NRIP1: variants seen among roughly 807,000 people sequenced by gnomAD.
The protein encoded by NRIP1 is nuclear receptor interacting protein 1.
A neutral mutation model predicts 75.0 loss-of-function variants in NRIP1; 28 were observed. The ratio of observed to expected loss-of-function variants is 0.37; its 90% CI spans 0.28 to 0.51. The LOEUF (loss-of-function observed/expected upper bound fraction) is 0.51, where lower values mean the gene tolerates loss of function less well. NRIP1 is among the 20% of genes least tolerant of loss of function. The probability of loss-of-function intolerance (pLI) is 0.92; values close to 1 mark genes in which losing one functional copy is unlikely to be tolerated. For missense variants in NRIP1, 1,435 were observed against 1,343.7 expected (o/e 1.07, Z -1.06); for synonymous variants, 526 against 487.6 (o/e 1.08, Z -1.04).
chr21:15,035,235 A>G (rs1261046117), intron 2 of NRIP1, among the ~76,000 whole-genome samples: 1 of 152,186 alleles, frequency 6.6e-6, no homozygotes, highest in Non-Finnish European at 1.5e-5. Context: ...TTTTTAAAAA[A>G]ATAACAATTA....
chr21:15,047,193 T>C (rs1230260089), intron 1 of NRIP1, among the ~76,000 whole-genome samples: 1 of 152,078 alleles, frequency 6.6e-6, no homozygotes, highest in African/African-American at 2.4e-5. Flanking sequence ...AGGCACCTTC[T>C]TCACAAGGCA....
At chr21:14,972,743 C>T (rs1339166581) in intron 3 of NRIP1, among the ~76,000 whole-genome samples, 3 of 152,168 alleles carry the variant, frequency 2.0e-5, no homozygotes, top group Non-Finnish European at 2.9e-5. Flanking sequence ...GAGATGGTTT[C>T]AAGATGAAAC....
At chr21:14,986,559 T>A (rs1356349540) in intron 3 of NRIP1, among the ~76,000 whole-genome samples, 1 of 152,184 alleles carries the variant, frequency 6.6e-6, no homozygotes, top group East Asian at 1.9e-4. Flanking sequence ...GGCTAAAAAG[T>A]CATGTGGGTC....
intron 3 of NRIP1, among the ~76,000 whole-genome samples, chr21:15,012,344 A>G (rs2088122658): frequency 6.6e-6 from 1 of 152,162 alleles, no homozygotes; most frequent in South Asian, 2.1e-4. Context: ...TTTAAAATCT[A>G]AAAACGTTTA....
At chr21:15,048,602 C>CT (rs2089138110) in intron 1 of NRIP1, among the ~76,000 whole-genome samples, 1 of 152,122 alleles carries the variant, frequency 6.6e-6, no homozygotes, top group Non-Finnish European at 1.5e-5. Flanking sequence ...TAGGACATTA[C>CT]TTTTTTAGGA....
chr21:14,965,753 A>T lies in NRIP1; in HGVS notation c.2440T>A (p.Ser814Thr). Residue 814 changes from serine to threonine, a missense_variant, in exon 4 of 4, where the codon TCC becomes ACC. Ser to Thr is a moderately conservative substitution (Grantham distance 58). Coordinates refer to ENST00000318948, the MANE Select transcript of NRIP1 (RefSeq NM_003489.4). ...EPVSPQDFSF[S>T]KNGLLSRLLR... Reference sequence around the variant, plus strand: ...AATCGACTTAGCAGACCATTCTTGGAGAAAGAAAAATCCTGAGGTGAAACA... The same window carrying T: ...AATCGACTTAGCAGACCATTCTTGGTGAAAGAAAAATCCTGAGGTGAAACA... 6.2e-7 allele frequency: 1 copy of T among 1,613,988 alleles called. No homozygotes were observed. The highest frequency in any genetic ancestry group is 1.1e-5 in the South Asian group (1 of 91,082).
intron 1 of NRIP1, among the ~76,000 whole-genome samples, chr21:15,060,039 C>T (rs2147420964): frequency 6.6e-6 from 1 of 152,168 alleles, no homozygotes; most frequent in African/African-American, 2.4e-5. Context: ...AATACCACAA[C>T]TTTTGTAATT....
At chr21:15,006,707 C>G (rs977017394) in intron 3 of NRIP1, among the ~76,000 whole-genome samples, 1 of 152,138 alleles carries the variant, frequency 6.6e-6, no homozygotes, top group African/African-American at 2.4e-5. Flanking sequence ...CACACTTTCA[C>G]TCACTTGGAT....
chr21:15,022,072 T>C (rs1600882540), intron 2 of NRIP1, among the ~76,000 whole-genome samples: 1 of 152,148 alleles, frequency 6.6e-6, no homozygotes, highest in East Asian at 1.9e-4. Context: ...AATCACTCTA[T>C]CATAAAGACA....
chr21:14,991,279 A>G (rs958285487), intron 3 of NRIP1: 3 of 149,716 alleles, frequency 2.0e-5, no homozygotes, highest in Non-Finnish European at 4.4e-5. Context: ...GAATCTGTCC[A>G]TGCAAACCAA....
At chr21:15,059,159 G>A (rs1568739372) in intron 1 of NRIP1, among the ~76,000 whole-genome samples, 1 of 152,134 alleles carries the variant, frequency 6.6e-6, no homozygotes, top group African/African-American at 2.4e-5. Context: ...TTGGTCCCAG[G>A]AGTAGCTTAA....
At chr21:15,032,556 T>C (rs1299923895) in intron 2 of NRIP1, among the ~76,000 whole-genome samples, 2 of 151,982 alleles carry the variant, frequency 1.3e-5, no homozygotes, top group Non-Finnish European at 2.9e-5. Flanking sequence ...CAAAACCTTC[T>C]CACCATATTC....
chr21:15,060,917 T>C (rs1463907934), intron 1 of NRIP1, among the ~76,000 whole-genome samples: 2 of 152,168 alleles, frequency 1.3e-5, no homozygotes, highest in African/African-American at 4.8e-5. Flanking sequence ...TCCAATGGCC[T>C]GTTTCACCAT....
rs562570362 is a variant in NRIP1, at chr21:14,965,813, C to T, written c.2380G>A (p.Ala794Thr). The T allele has an allele frequency of 6.9e-5, 112 of 1,613,918 alleles. No homozygotes were observed. In the South Asian group the frequency reaches 1.1e-3, roughly 16 times the overall value. ...TTAAAGTCTTCGGACACTGGTAAGGCAGGTGCGCTTCTCTGCACAGCAGGA... is the reference window on the plus strand; with the variant it reads ...TTAAAGTCTTCGGACACTGGTAAGGTAGGTGCGCTTCTCTGCACAGCAGGA... ...MAPAVQRSAP[A>T]LPVSEDFKSE... Residue 794 changes from alanine to threonine, a missense_variant, in exon 4 of 4, where the codon GCC (alanine) becomes ACC (threonine). Transcript: ENST00000318948.
Position 14,975,567 on chromosome 21 carries a change from T to C in NRIP1, c.-334-7041A>G, listed in dbSNP as rs73170292. ...AGGAGTTTGAGGTTACAGTGAGCTA[T>C]GACTGAGTTACTGTACACCGCATTC... On this transcript the variant is annotated intron_variant, in intron 3 of 3. Transcript: ENST00000318948. Among the ~76,000 whole-genome samples the C allele has an allele frequency of 5.0e-3, 731 of 145,626 alleles. 3 individuals are homozygous for C. Among genetic ancestry groups the C allele is most frequent in the Middle Eastern group, 0.042 (12 of 284 alleles).
chr21:15,058,976 G>C (rs2089364708), intron 1 of NRIP1, among the ~76,000 whole-genome samples: 1 of 152,142 alleles, frequency 6.6e-6, no homozygotes, highest in South Asian at 2.1e-4. Context: ...AAACTCCTTA[G>C]TTTCTCTGTT....
chr21:15,011,855 TGTTA>T (rs368791123), intron 3 of NRIP1, among the ~76,000 whole-genome samples: 59 of 152,322 alleles, frequency 3.9e-4, no homozygotes, highest in African/African-American at 1.4e-3. Context: ...GAATTAATTT[TGTTA>T]GTTACTCAAT....
At position 14,962,241 on chromosome 21, in the gene NRIP1, A is replaced by C. The variant is rs1267464136; in HGVS notation, c.*2475T>G. 6.6e-6 allele frequency: 1 copy of C among 151,816 alleles called. No individual in the cohort carries two copies. The highest frequency in any genetic ancestry group is 1.5e-5 in the Non-Finnish European group (1 of 67,848). The allele number at this position is 151,816 out of a possible 1,614,324, so 9.4% of individuals were successfully genotyped here. ...CTTGTATCTACATATGCATAAACAA[A>C]GTGAATCTGTGGATGTATGCCCTTT... is the stretch of plus-strand genomic sequence containing the variant. On this transcript the variant is annotated 3_prime_UTR_variant, in exon 4 of 4. Transcript: ENST00000318948.
intron 3 of NRIP1, among the ~76,000 whole-genome samples, chr21:14,988,763 A>G (rs2147060002): frequency 6.6e-6 from 1 of 152,262 alleles, no homozygotes; most frequent in South Asian, 2.1e-4. Flanking sequence ...TAACTAATGG[A>G]CCAATCATTT....
Sources: gnomAD v4.1 joint callset for allele counts (sites outside exome capture counted in the v4.1 genomes callset) on GRCh38, gnomAD v4.1.1 for gene constraint, MANE v1.5 for transcripts, NCBI Gene and HGNC (gene_info 2026-07-23, HGNC 2026-07-21) for gene names.